The following AOPEP variants were observed in gnomAD, a reference collection of about 807,000 sequenced individuals.
AOPEP encodes the protein aminopeptidase O (putative).
AOPEP carries 77 observed loss-of-function variants against 98.1 expected under a neutral mutation model. The ratio of observed to expected loss-of-function variants is 0.78; its 90% CI spans 0.65 to 0.95. The LOEUF (loss-of-function observed/expected upper bound fraction) is 0.95. Ranked by LOEUF, AOPEP falls within the 40% of genes least tolerant of loss-of-function variation. The probability of loss-of-function intolerance (pLI) is 0.00; values close to 1 mark genes in which losing one functional copy is unlikely to be tolerated. For missense variants in AOPEP, 1,024 were observed against 1,024.7 expected (o/e 1.00, Z 0.01); for synonymous variants, 346 against 365.3 (o/e 0.95, Z 0.60).
chr9:94,814,544 C>G (rs747356942), intron 5 of AOPEP, among the ~76,000 whole-genome samples: 1 of 152,100 alleles, frequency 6.6e-6, no homozygotes, highest in African/African-American at 2.4e-5. Context: ...AGAATGACTC[C>G]CCATTTCTAG....
chr9:94,771,182 G>A (rs575352194), intron 2 of AOPEP, among the ~76,000 whole-genome samples: 1 of 152,174 alleles, frequency 6.6e-6, no homozygotes, highest in Non-Finnish European at 1.5e-5. Context: ...CAACATCTTG[G>A]TAAGCCAGTC....
intron 5 of AOPEP, among the ~76,000 whole-genome samples, chr9:94,861,709 A>G (rs949243286): frequency 3.3e-5 from 5 of 151,926 alleles, no homozygotes; most frequent in African/African-American, 1.2e-4. Context: ...ACTGTTCCCA[A>G]CCCCCGATAT....
the AOPEP span, among the ~76,000 whole-genome samples, chr9:95,108,776 C>A: frequency 1.3e-5 from 2 of 152,154 alleles, no homozygotes; most frequent in African/African-American, 4.8e-5. Context: ...GGTTTATATA[C>A]TTCTTGTCTT....
the AOPEP span, among the ~76,000 whole-genome samples, chr9:95,134,200 G>A: frequency 5.9e-5 from 9 of 152,180 alleles, no homozygotes; most frequent in Non-Finnish European, 1.3e-4. Context: ...GGGGAGAAAC[G>A]GGATCGCGGA....
At chr9:95,069,731 C>T (rs1016467714) in intron 14 of AOPEP, among the ~76,000 whole-genome samples, 1 of 152,262 alleles carries the variant, frequency 6.6e-6, no homozygotes, top group African/African-American at 2.4e-5. Flanking sequence ...TGTCATCACA[C>T]TTGACCCTCA....
At chr9:94,952,023 A>C (rs1350228550) in intron 7 of AOPEP, among the ~76,000 whole-genome samples, 1 of 152,246 alleles carries the variant, frequency 6.6e-6, no homozygotes, top group Non-Finnish European at 1.5e-5. Context: ...TTTCAGATTC[A>C]GTCATACAAG....
In AOPEP at chr9:95,021,354, A is replaced by G. The variant is rs72750388; in HGVS notation, c.2115+15738A>G. Among the ~76,000 whole-genome samples the G allele has an allele frequency of 4.6e-3, 694 of 152,354 alleles. 2 individuals carry two copies. Among genetic ancestry groups the G allele is most frequent in the Non-Finnish European group, 8.5e-3 (575 of 68,032 alleles). On this transcript the variant is annotated intron_variant, in intron 13 of 16. Transcript: ENST00000375315. ...GAAAAGGCAAGTACTGAGCTGATTC[A>G]GACTTGCAGAAAGCTTCCTCTCCTC... is the stretch of plus-strand genomic sequence containing the variant.
intron 11 of AOPEP, among the ~76,000 whole-genome samples, chr9:94,987,821 G>A (rs367647911): frequency 6.6e-6 from 1 of 152,182 alleles, no homozygotes; most frequent in African/African-American, 2.4e-5. Flanking sequence ...GGAATGGTTA[G>A]TGGGGCAGGA....
chr9:95,068,744 G>C (rs1048813220), intron 14 of AOPEP, among the ~76,000 whole-genome samples: 1 of 152,088 alleles, frequency 6.6e-6, no homozygotes, highest in Non-Finnish European at 1.5e-5. Context: ...TAGTTCTTTA[G>C]TCTCTGGGGT....
At chr9:94,892,324 C>A (rs1478726447) in intron 5 of AOPEP, among the ~76,000 whole-genome samples, 1 of 152,160 alleles carries the variant, frequency 6.6e-6, no homozygotes, top group African/African-American at 2.4e-5. Flanking sequence ...CCCACAGAAC[C>A]CTGAAGCAGT....
intron 13 of AOPEP, among the ~76,000 whole-genome samples, chr9:95,055,801 T>C (rs2066765251): frequency 6.6e-6 from 1 of 152,204 alleles, no homozygotes; most frequent in Non-Finnish European, 1.5e-5. Flanking sequence ...GCCGCCTGCA[T>C]GTGACTTTCA....
At chr9:94,902,386 T>C (rs1382785996) in intron 5 of AOPEP, among the ~76,000 whole-genome samples, 2 of 152,186 alleles carry the variant, frequency 1.3e-5, no homozygotes, top group Non-Finnish European at 2.9e-5. Flanking sequence ...CACAGTTTAC[T>C]GCGGGGGTGA....
intron 5 of AOPEP, among the ~76,000 whole-genome samples, chr9:94,818,790 C>A (rs551334722): frequency 6.6e-6 from 1 of 152,112 alleles, no homozygotes; most frequent in African/African-American, 2.4e-5. Flanking sequence ...GTCAGGAGAT[C>A]GAGACCATCC....
intron 13 of AOPEP, among the ~76,000 whole-genome samples, chr9:95,056,018 T>C (rs1428391283): frequency 6.6e-6 from 1 of 152,206 alleles, no homozygotes; most frequent in Non-Finnish European, 1.5e-5. Flanking sequence ...AATTGATCTT[T>C]CTGTGTGTTT....
chr9:94,785,177 C>T (rs1844139624), intron 3 of AOPEP, among the ~76,000 whole-genome samples: 1 of 152,098 alleles, frequency 6.6e-6, no homozygotes, highest in African/African-American at 2.4e-5. Flanking sequence ...TCAGGTGATC[C>T]ACCCGCCTCG....
chr9:94,933,060 C>G (rs1026236301), intron 7 of AOPEP: 16 of 985,452 alleles, frequency 1.6e-5, no homozygotes, highest in Non-Finnish European at 1.9e-5. Flanking sequence ...GACTCTTCAT[C>G]TCCTCTCTGG....
chr9:94,775,377 T>A lies in AOPEP; in HGVS notation c.964+2209T>A, dbSNP rs1841854429. Among the ~76,000 whole-genome samples the A allele has an allele frequency of 2.6e-5, 4 of 151,988 alleles. No individual in the cohort carries two copies. The South Asian group carries it at 8.3e-4, about 32-fold the overall frequency. On this transcript the variant is annotated intron_variant, in intron 3 of 16. Transcript: ENST00000375315. The stretch of plus-strand genomic sequence containing the variant: ...TCACCGATGAGTATTTACTTGATTT[T>A]TTTTTTTTTTTGAGACAGAGTCTTG...
chr9:95,104,215 G>T, the AOPEP span, among the ~76,000 whole-genome samples: 1 of 152,216 alleles, frequency 6.6e-6, no homozygotes, highest in Non-Finnish European at 1.5e-5. Context: ...CGCAGCGAAG[G>T]CTTCTCATTA....
intron 14 of AOPEP, among the ~76,000 whole-genome samples, chr9:95,062,949 C>T (rs958652616): frequency 1.3e-5 from 2 of 152,200 alleles, no homozygotes; most frequent in African/African-American, 2.4e-5. Flanking sequence ...GTGGAGTAGG[C>T]AAACCATCCC....
Sources: gnomAD v4.1 joint callset for allele counts (sites outside exome capture counted in the v4.1 genomes callset) on GRCh38, gnomAD v4.1.1 for gene constraint, MANE v1.5 for transcripts, NCBI Gene and HGNC (gene_info 2026-07-23, HGNC 2026-07-21) for gene names.